Variants in CDIN1 observed in about 807,000 individuals in gnomAD.
The protein encoded by CDIN1 is CDAN1-interacting nuclease 1.
CDIN1 carries 33 observed loss-of-function variants against 45.3 expected under a neutral mutation model. The observed-to-expected ratio is 0.73, with a 90% CI of 0.55 to 0.97. The LOEUF (loss-of-function observed/expected upper bound fraction) is 0.97. Among genes scored for constraint, CDIN1 ranks in the 50% least tolerant of loss-of-function variants. The pLI is 0.00. For missense variants in CDIN1, 303 were observed against 339.4 expected (o/e 0.89, Z 0.84); for synonymous variants, 118 against 124.4 (o/e 0.95, Z 0.34).
In CDIN1 at chr15:36,694,278, C is replaced by T. The variant is rs143962209; in HGVS notation, c.476+2103C>T. Among the ~76,000 whole-genome samples, 227 of 152,266 alleles carry T rather than the reference C, an allele frequency of 1.5e-3. 2 individuals carry two copies. Among genetic ancestry groups the T allele is most frequent in the South Asian group, 0.015 (70 of 4,824 alleles). ...TTGCATAGATGTTTCCTAGACTGAT[C>T]AGCATAATTATTTTATTTCACACTG... On this transcript the variant is annotated intron_variant, in intron 7 of 10. Coordinates refer to ENST00000566621, the MANE Select transcript of CDIN1 (RefSeq NM_001321759.2).
chr15:36,714,347 C>T (rs2043152599), intron 10 of CDIN1, among the ~76,000 whole-genome samples: 1 of 152,104 alleles, frequency 6.6e-6, no homozygotes, highest in Non-Finnish European at 1.5e-5. Flanking sequence ...TTTCCCAAAA[C>T]TTCAGACAGT....
At chr15:36,800,887 G>A (rs1351441588) in intron 10 of CDIN1, among the ~76,000 whole-genome samples, 4 of 23,072 alleles carry the variant, frequency 1.7e-4, no homozygotes, top group Non-Finnish European at 3.0e-4. Flanking sequence ...ATATGTGTGT[G>A]TGTGTGTGTG....
At chr15:36,653,871 T>G (rs549216787) in intron 3 of CDIN1, among the ~76,000 whole-genome samples, 2 of 152,192 alleles carry the variant, frequency 1.3e-5, no homozygotes, top group Non-Finnish European at 2.9e-5. Flanking sequence ...ACCTAAGTAT[T>G]TACACCTTCT....
intron 4 of CDIN1, among the ~76,000 whole-genome samples, chr15:36,656,939 A>G (rs750457890): frequency 2.6e-5 from 4 of 152,158 alleles, no homozygotes; most frequent in Non-Finnish European, 5.9e-5. Context: ...GCTGTCTTCC[A>G]CCTAAGATAA....
intron 5 of CDIN1, among the ~76,000 whole-genome samples, chr15:36,681,207 G>T (rs906083859): frequency 6.6e-6 from 1 of 152,106 alleles, no homozygotes; most frequent in Non-Finnish European, 1.5e-5. Context: ...ATAGAATTTT[G>T]TAAGAGCAGA....
intron 5 of CDIN1, among the ~76,000 whole-genome samples, chr15:36,660,652 G>A (rs2040975496): frequency 2.0e-5 from 3 of 152,122 alleles, no homozygotes; most frequent in African/African-American, 7.2e-5. Context: ...TGGCTCTTGT[G>A]ATGACAAACA....
At chr15:36,618,724 T>C (rs2039012195) in intron 1 of CDIN1, 3 of 777,036 alleles carry the variant, frequency 3.9e-6, no homozygotes, top group Admixed American at 1.7e-5. Context: ...CAGTTCTCCA[T>C]GTGCAGCTGA....
chr15:36,725,858 A>G (rs2043604561), intron 10 of CDIN1, among the ~76,000 whole-genome samples: 1 of 152,218 alleles, frequency 6.6e-6, no homozygotes, highest in Non-Finnish European at 1.5e-5. Context: ...TGCTTTAAAA[A>G]AAAATACTCT....
Position 36,692,115 on chromosome 15 carries a change from T to A in CDIN1, c.427-11T>A, listed in dbSNP as rs957219526. 3.1e-6 allele frequency: 5 copies of A among 1,613,442 alleles called. No individual in the cohort carries two copies. The highest frequency in any genetic ancestry group is 3.4e-6 in the Non-Finnish European group (4 of 1,179,620). ...GCCCCACCCCAGACCCCTTTTCTTA[T>A]TTGTCTGCAGTGCATTGTGAACGAC... On this transcript the variant is annotated splice_polypyrimidine_tract_variant and intron_variant, in intron 6 of 10. Transcript: ENST00000566621.
At chr15:36,717,063 C>G (rs2043240572) in intron 10 of CDIN1, among the ~76,000 whole-genome samples, 1 of 152,152 alleles carries the variant, frequency 6.6e-6, no homozygotes, top group African/African-American at 2.4e-5. Flanking sequence ...AAACTACAAC[C>G]CTCTCCAGCA....
intron 5 of CDIN1, among the ~76,000 whole-genome samples, chr15:36,676,865 G>A (rs1234267915): frequency 6.6e-6 from 1 of 152,044 alleles, no homozygotes; most frequent in Non-Finnish European, 1.5e-5. Flanking sequence ...GAGGGAGGAG[G>A]TAATACCATG....
intron 5 of CDIN1, among the ~76,000 whole-genome samples, chr15:36,661,608 C>T (rs2041017046): frequency 6.6e-6 from 1 of 152,018 alleles, no homozygotes; most frequent in African/African-American, 2.4e-5. Flanking sequence ...TATAGTCTAC[C>T]CCTGGGATCA....
intron 8 of CDIN1, chr15:36,704,443 A>G (rs1418250067): frequency 6.6e-6 from 1 of 152,082 alleles, no homozygotes; most frequent in Admixed American, 6.6e-5. Context: ...ATAACATATA[A>G]TATTTATTAC....
At chr15:36,661,811 ATC>A (rs2041027712) in intron 5 of CDIN1, among the ~76,000 whole-genome samples, 1 of 152,178 alleles carries the variant, frequency 6.6e-6, no homozygotes, top group Admixed American at 6.5e-5. Flanking sequence ...ATTATAGAAA[ATC>A]TCTGTTAATG....
intron 10 of CDIN1, among the ~76,000 whole-genome samples, chr15:36,781,162 C>T (rs1360295869): frequency 1.3e-5 from 2 of 152,114 alleles, no homozygotes; most frequent in Non-Finnish European, 2.9e-5. Context: ...CTAATGAATG[C>T]ATGTGTTACA....
At chr15:36,613,639 C>T in intron 1 of CDIN1, 3 of 1,431,414 alleles carry the variant, frequency 2.1e-6, no homozygotes, top group Non-Finnish European at 2.9e-6. Flanking sequence ...ACCGTAGGAT[C>T]AAGCTGGTTG....
intron 10 of CDIN1, among the ~76,000 whole-genome samples, chr15:36,735,397 A>G (rs2043980948): frequency 6.6e-6 from 1 of 152,136 alleles, no homozygotes; most frequent in Non-Finnish European, 1.5e-5. Context: ...AGACTATACT[A>G]AGACATTTTA....
At chr15:36,802,074 TATA>T (rs1187200226) in intron 10 of CDIN1, among the ~76,000 whole-genome samples, 2 of 152,284 alleles carry the variant, frequency 1.3e-5, no homozygotes, top group East Asian at 3.9e-4. Flanking sequence ...TAGAATGCTA[TATA>T]AACACAAGGT....
chr15:36,741,070 G>A (rs1403018709), intron 10 of CDIN1, among the ~76,000 whole-genome samples: 7 of 152,148 alleles, frequency 4.6e-5, no homozygotes, highest in Non-Finnish European at 1.5e-5. Flanking sequence ...CCAAGTAGCT[G>A]AGAATATAGG....
Sources: allele counts gnomAD v4.1 joint callset (sites outside exome capture counted in the v4.1 genomes callset), GRCh38; gene constraint gnomAD v4.1.1; transcripts MANE v1.5; gene names NCBI Gene and HGNC (gene_info 2026-07-23, HGNC 2026-07-21).